SPOCK1: variants seen among roughly 807,000 people sequenced by gnomAD.
The protein encoded by SPOCK1 is testican-1.
SPOCK1 carries 23 observed loss-of-function variants against 55.3 expected under a neutral mutation model. The observed-to-expected ratio is 0.42, with a 90% CI of 0.30 to 0.59. The LOEUF (loss-of-function observed/expected upper bound fraction) is 0.59, where lower values mean the gene tolerates loss of function less well. Among genes scored for constraint, SPOCK1 ranks in the 20% least tolerant of loss-of-function variants. The pLI, the probability that SPOCK1 is intolerant of heterozygous loss-of-function variation, is 0.22. For missense variants in SPOCK1, 499 were observed against 552.5 expected (o/e 0.90, Z 0.97); for synonymous variants, 226 against 221.0 (o/e 1.02, Z -0.20).
intron 3 of SPOCK1, among the ~76,000 whole-genome samples, chr5:137,208,065 CTA>C (rs1755549258): frequency 6.6e-6 from 1 of 152,204 alleles, no homozygotes; most frequent in Admixed American, 6.5e-5. Flanking sequence ...GCCAGCCTCA[CTA>C]TGAGCACTCC....
At chr5:137,153,777 G>T (rs193077574) in intron 3 of SPOCK1, among the ~76,000 whole-genome samples, 1 of 151,894 alleles carries the variant, frequency 6.6e-6, no homozygotes, top group Non-Finnish European at 1.5e-5. Flanking sequence ...AGGATCCCTT[G>T]AGCCCAGGAG....
chr5:137,247,441 G>T (rs1478293490), intron 3 of SPOCK1, among the ~76,000 whole-genome samples: 1 of 152,168 alleles, frequency 6.6e-6, no homozygotes. Context: ...TATGATTATG[G>T]AATTAATGCA....
intron 5 of SPOCK1, among the ~76,000 whole-genome samples, chr5:137,082,056 C>T (rs1050134548): frequency 1.3e-5 from 2 of 152,210 alleles, no homozygotes; most frequent in African/African-American, 4.8e-5. Flanking sequence ...GCCTTGGTGA[C>T]CATTCTGCCC....
intron 2 of SPOCK1, among the ~76,000 whole-genome samples, chr5:137,359,084 A>G (rs1377741600): frequency 1.3e-5 from 2 of 152,238 alleles, no homozygotes; most frequent in African/African-American, 4.8e-5. Context: ...TCTGTGAAAT[A>G]AGACCTATAT....
intron 2 of SPOCK1, among the ~76,000 whole-genome samples, chr5:137,292,589 A>G (rs1196314646): frequency 6.6e-6 from 1 of 152,154 alleles, no homozygotes; most frequent in East Asian, 1.9e-4. Flanking sequence ...AGCCCTTCCC[A>G]GGACAGAACT....
At chr5:137,265,741 C>T (rs1561488295) in intron 3 of SPOCK1, among the ~76,000 whole-genome samples, 1 of 152,114 alleles carries the variant, frequency 6.6e-6, no homozygotes, top group Non-Finnish European at 1.5e-5. Context: ...GGACACCTTG[C>T]CCTTTACAAA....
intron 2 of SPOCK1, among the ~76,000 whole-genome samples, chr5:137,488,344 TC>T (rs1754102869): frequency 6.6e-6 from 1 of 151,950 alleles, no homozygotes; most frequent in East Asian, 1.9e-4. Flanking sequence ...GCCACTGCAC[TC>T]CAGCCTGGGC....
intron 3 of SPOCK1, among the ~76,000 whole-genome samples, chr5:137,219,978 C>G (rs1755813867): frequency 6.6e-6 from 1 of 152,144 alleles, no homozygotes; most frequent in Non-Finnish European, 1.5e-5. Context: ...AGTCTCTAAG[C>G]CCTGGGCAAC....
intron 2 of SPOCK1, among the ~76,000 whole-genome samples, chr5:137,280,651 A>G (rs181832652): frequency 3.3e-4 from 51 of 152,368 alleles, no homozygotes; most frequent in Middle Eastern, 3.4e-3. Flanking sequence ...GATTTTTCTC[A>G]TGATGCCCAG....
intron 2 of SPOCK1, among the ~76,000 whole-genome samples, chr5:137,382,724 A>T (rs928276899): frequency 2.0e-5 from 3 of 152,182 alleles, no homozygotes; most frequent in African/African-American, 7.2e-5. Flanking sequence ...CACCCCCATA[A>T]GCCAATCACC....
chr5:137,358,658 T>C (rs1174621892), intron 2 of SPOCK1, among the ~76,000 whole-genome samples: 1 of 152,136 alleles, frequency 6.6e-6, no homozygotes, highest in Non-Finnish European at 1.5e-5. Context: ...AAATTGAACC[T>C]ATCCAACAGG....
At chr5:137,096,393 A>G (rs1753147730) in intron 5 of SPOCK1, among the ~76,000 whole-genome samples, 1 of 152,072 alleles carries the variant, frequency 6.6e-6, no homozygotes, top group Non-Finnish European at 1.5e-5. Context: ...GGCAGCACCA[A>G]TGGGGTCAGT....
chr5:136,992,755 TACAA>T (rs1750972919), intron 6 of SPOCK1, 155 bp from the exon 7 acceptor site: 8 of 545,542 alleles, frequency 1.5e-5, no homozygotes, highest in South Asian at 2.7e-5. Context: ...ATGCTGTTAG[TACAA>T]ACAAAGAGTG....
chr5:137,095,762 A>G (rs1303438047), intron 5 of SPOCK1, among the ~76,000 whole-genome samples: 1 of 152,218 alleles, frequency 6.6e-6, no homozygotes, highest in Non-Finnish European at 1.5e-5. Context: ...CTTAGGAAGG[A>G]AAAAAGTCTT....
At chr5:137,193,170 T>G (rs773386806) in intron 3 of SPOCK1, among the ~76,000 whole-genome samples, 1 of 152,194 alleles carries the variant, frequency 6.6e-6, no homozygotes, top group Non-Finnish European at 1.5e-5. Context: ...ATTAGGAGAC[T>G]GCTGCAACTA....
intron 3 of SPOCK1, among the ~76,000 whole-genome samples, chr5:137,152,110 A>G (rs1195464038): frequency 6.6e-6 from 1 of 152,210 alleles, no homozygotes; most frequent in East Asian, 1.9e-4. Flanking sequence ...TACTATTAGA[A>G]ACCACCTCAA....
chr5:136,996,629 G>T (rs1751044001), intron 6 of SPOCK1, among the ~76,000 whole-genome samples: 1 of 152,070 alleles, frequency 6.6e-6, no homozygotes, highest in African/African-American at 2.4e-5. Context: ...GGTCGAGTGG[G>T]GACTCAGAGA....
chr5:137,367,640 C>T (rs1162236410), intron 2 of SPOCK1, among the ~76,000 whole-genome samples: 1 of 152,198 alleles, frequency 6.6e-6, no homozygotes, highest in Non-Finnish European at 1.5e-5. Context: ...CCCCTTCTAG[C>T]TCCCTGTTTT....
chr5:137,498,324 C>T, intron 2 of SPOCK1, 49 bp downstream of exon 2: 1 of 1,514,144 alleles, frequency 6.6e-7, no homozygotes, highest in Admixed American at 2.1e-5. Flanking sequence ...TCAGGGGTCC[C>T]CTCCGAGAGG....
Sources: gnomAD v4.1 joint callset for allele counts (sites outside exome capture counted in the v4.1 genomes callset) on GRCh38, gnomAD v4.1.1 for gene constraint, MANE v1.5 for transcripts, NCBI Gene and HGNC (gene_info 2026-07-23, HGNC 2026-07-21) for gene names.